Variants in NOL3 observed in about 807,000 individuals in gnomAD.
NOL3 encodes the protein muscle-enriched cytoplasmic protein.
In NOL3, 18 loss-of-function variants were observed where a neutral mutation model predicts 19.2. The observed-to-expected ratio is 0.94, with a 90% CI of 0.65 to 1.39. The LOEUF (loss-of-function observed/expected upper bound fraction) is 1.39. Among genes scored for constraint, NOL3 ranks in the 40% most tolerant of loss-of-function variants. The pLI, the probability that NOL3 is intolerant of heterozygous loss-of-function variation, is 0.00. For synonymous variants in NOL3, 127 were observed against 137.3 expected, an observed-to-expected ratio of 0.93 and a Z score of 0.52; for missense variants, 290 against 289.5, an observed-to-expected ratio of 1.00 and a Z score of -0.01.
exon 2 of NOL3, chr16:67,174,413 C>A (rs369265508): frequency 3.3e-6 from 5 of 1,533,994 alleles, no homozygotes; most frequent in Admixed American, 2.0e-5. Flanking sequence ...CTGTGCCCAG[C>A]GTACCGCGGG....
At chr16:67,175,057 G>A (rs1178345050) in exon 4 of NOL3, 1 of 1,614,140 alleles carries the variant, frequency 6.2e-7, no homozygotes, top group Non-Finnish European at 8.5e-7. Context: ...ATTCCTGAAG[G>A]CCAGAGCTCT....
exon 2 of NOL3, chr16:67,174,262 G>T: frequency 3.7e-6 from 6 of 1,612,592 alleles, no homozygotes; most frequent in Non-Finnish European, 5.1e-6. Context: ...GACTGCTGTT[G>T]GACGCGCTGC....
intron 1 of NOL3, among the ~76,000 whole-genome samples, chr16:67,172,155 C>T (rs908234698): frequency 9.7e-5 from 13 of 133,792 alleles, no homozygotes; most frequent in Admixed American, 8.6e-4. Flanking sequence ...GGGAGGATGC[C>T]GTGTGAACAA....
At chr16:67,175,364 T>G in exon 4 of NOL3, 1 of 1,267,224 alleles carries the variant, frequency 7.9e-7, no homozygotes. Flanking sequence ...CCTAGCCCCC[T>G]AGTGGGACAA....
chr16:67,174,426 C>T (rs761975171), exon 2 of NOL3: 3 of 1,518,734 alleles, frequency 2.0e-6, no homozygotes, highest in Non-Finnish European at 2.6e-6. Context: ...ACCGCGGGCG[C>T]GCCGGACCCC....
chr16:67,174,434 C>G, exon 2 of NOL3: 1 of 1,517,122 alleles, frequency 6.6e-7, no homozygotes, highest in Non-Finnish European at 8.8e-7. Flanking sequence ...CGCGCCGGAC[C>G]CCGCTTGGGA....
intron 1 of NOL3, chr16:67,173,749 G>C: frequency 1.1e-6 from 1 of 911,386 alleles, no homozygotes; most frequent in Non-Finnish European, 1.6e-6. Context: ...TGCCTGGTTA[G>C]GTGGGGAAGC....
rs1368532093 is a variant in NOL3 at position 67,170,841 on chromosome 16, C to T, written c.-9+267C>T. Among the ~76,000 whole-genome samples the T allele has an allele frequency of 2.0e-5, 3 of 152,262 alleles. No individual in the cohort carries two copies. The highest frequency in any genetic ancestry group is 7.2e-5 in the African/African-American group (3 of 41,464). On this transcript the variant is annotated intron_variant, in intron 1 of 3. Transcript: ENST00000268605. The surrounding 1 kb of genome is among the most constrained non-coding windows in gnomAD (Gnocchi z 5.7). ...GCTCTTCACTGTCCCAAGACCCTGG[C>T]TTCCTGGCCAAAGAGCCCGCGCAGC...
chr16:67,175,478 C>T, exon 4 of NOL3: 1 of 402,580 alleles, frequency 2.5e-6, no homozygotes, highest in Non-Finnish European at 3.5e-6. Context: ...CTGAGCTGAA[C>T]ATGGAGCAAG....
At chr16:67,175,310 T>C (rs2032114646) in exon 4 of NOL3, 1 of 1,404,124 alleles carries the variant, frequency 7.1e-7, no homozygotes, top group South Asian at 1.6e-5. Flanking sequence ...TCCTCAGCCC[T>C]AATCTGCCCT....
At chr16:67,173,200 G>A (rs970568257) in intron 1 of NOL3, among the ~76,000 whole-genome samples, 1 of 152,158 alleles carries the variant, frequency 6.6e-6, no homozygotes, top group Non-Finnish European at 1.5e-5. Context: ...TAGGCCTTGG[G>A]TACTTCAAGA....
At chr16:67,171,382 C>T (rs1183421126) in intron 1 of NOL3, 2 of 152,230 alleles carry the variant, frequency 1.3e-5, no homozygotes, top group Non-Finnish European at 2.9e-5. Flanking sequence ...GATAGGTCCA[C>T]GGAGCGGAGG....
exon 4 of NOL3, chr16:67,175,228 AG>A: frequency 1.3e-6 from 2 of 1,505,956 alleles, no homozygotes; most frequent in Non-Finnish European, 1.8e-6. Flanking sequence ...CTGTTTGCCC[AG>A]GAACTTAGGG....
At chr16:67,174,277 G>T in exon 2 of NOL3, 4 of 1,611,844 alleles carry the variant, frequency 2.5e-6, no homozygotes, top group Non-Finnish European at 3.4e-6. Context: ...CGCTGCTGGC[G>T]CGGGGCGTGC....
At chr16:67,174,891 C>T (rs572420411) in exon 3 of NOL3, 1 of 1,613,596 alleles carries the variant, frequency 6.2e-7, no homozygotes, top group Non-Finnish European at 8.5e-7. Context: ...GAACTGGAGC[C>T]AGAACCGGAC....
chr16:67,174,815 G>A, exon 3 of NOL3: 3 of 1,604,690 alleles, frequency 1.9e-6, no homozygotes, highest in Non-Finnish European at 2.6e-6. Flanking sequence ...GGCCTCTAAA[G>A]AGGCTGAACC....
rs904325830 is a variant in NOL3, at chr16:67,173,142, G to A, written c.-8-1020G>A. 3 of 151,750 alleles carry A rather than the reference G, an allele frequency of 2.0e-5. No individual in the cohort carries two copies. In the South Asian group the frequency reaches 6.3e-4, roughly 32 times the overall value. 9.4% of individuals were successfully genotyped at this position (151,750 alleles called of 1,614,324 possible). A position where few individuals can be genotyped will look rare whatever the true frequency, so the allele number is the denominator to read the frequency against. ...TCTCAAAATAGTGCGATCCATGGAG[G>A]AAAATCAGTCCAAGTTCGGCAAGTA... On this transcript the variant is annotated intron_variant, in intron 1 of 3. Transcript: ENST00000268605.
chr16:67,174,148 C>A lies in NOL3; in HGVS notation c.-8-14C>A, dbSNP rs776785198. 1 of 1,605,010 alleles carries A rather than the reference C, an allele frequency of 6.2e-7. No homozygotes were observed. Among genetic ancestry groups the A allele is most frequent in the Non-Finnish European group, 8.5e-7 (1 of 1,175,026 alleles). ...GGCAACCCCCCATTACTTCTCTCCCCTTTCCCCATGCAGCCCCGACAATGG... is the reference window on the plus strand; with the variant it reads ...GGCAACCCCCCATTACTTCTCTCCCATTTCCCCATGCAGCCCCGACAATGG... On this transcript the variant is annotated splice_polypyrimidine_tract_variant and intron_variant, in intron 1 of 3. Coordinates refer to ENST00000268605, the Ensembl canonical transcript of NOL3.
exon 4 of NOL3, chr16:67,175,288 A>G (rs2032112416): frequency 1.4e-6 from 2 of 1,424,932 alleles, no homozygotes; most frequent in Admixed American, 6.0e-5. Context: ...GCCCACCACG[A>G]GCATCATCCA....
Sources: allele counts gnomAD v4.1 joint callset (sites outside exome capture counted in the v4.1 genomes callset), GRCh38; gene constraint gnomAD v4.1.1; non-coding constraint Gnocchi (gnomAD v3.1); transcripts MANE v1.5; gene names NCBI Gene and HGNC (gene_info 2026-07-23, HGNC 2026-07-21).